FNDC3B: variants seen among roughly 807,000 people sequenced by gnomAD.
The protein encoded by FNDC3B is fibronectin type III domain containing 3B.
In FNDC3B, 12 loss-of-function variants were observed where a neutral mutation model predicts 151.5. The ratio of observed to expected loss-of-function variants is 0.08; its 90% CI spans 0.05 to 0.13. The LOEUF is 0.13. Among genes scored for constraint, FNDC3B ranks in the 10% least tolerant of loss-of-function variants. The probability of loss-of-function intolerance (pLI) is 1.00; values close to 1 mark genes in which losing one functional copy is unlikely to be tolerated. For missense variants in FNDC3B, 1,214 were observed against 1,505.3 expected (o/e 0.81, Z 3.20); for synonymous variants, 528 against 549.0 (o/e 0.96, Z 0.54).
At chr3:172,359,210 C>T (rs1417790973) in intron 22 of FNDC3B, among the ~76,000 whole-genome samples, 3 of 152,050 alleles carry the variant, frequency 2.0e-5, no homozygotes, top group South Asian at 2.1e-4. Flanking sequence ...TATCTTGATA[C>T]TTGTATCTTC....
At chr3:172,239,229 A>G (rs1166952416) in intron 4 of FNDC3B, among the ~76,000 whole-genome samples, 1 of 152,106 alleles carries the variant, frequency 6.6e-6, no homozygotes, top group Non-Finnish European at 1.5e-5. Flanking sequence ...AGAGGTGAGC[A>G]CCAGCCTGCT....
At chr3:172,138,623 G>A (rs533337794) in intron 3 of FNDC3B, among the ~76,000 whole-genome samples, 1 of 152,296 alleles carries the variant, frequency 6.6e-6, no homozygotes, top group Admixed American at 6.5e-5. Flanking sequence ...AAAGAAAATA[G>A]GTGAGTGTGA....
intron 4 of FNDC3B, 98 bp downstream of exon 4, chr3:172,227,045 T>G: frequency 1.2e-6 from 1 of 859,064 alleles, no homozygotes; most frequent in Non-Finnish European, 2.0e-6. Context: ...AGGAGTTAAT[T>G]TGGGTACCGT....
chr3:172,194,176 C>T (rs566992226), intron 3 of FNDC3B, among the ~76,000 whole-genome samples: 1 of 151,990 alleles, frequency 6.6e-6, no homozygotes, highest in Middle Eastern at 3.2e-3. Context: ...GCCGAGATCA[C>T]GCCACTGCAC....
chr3:172,397,865 C>G lies in FNDC3B; in HGVS notation c.*390C>G, dbSNP rs1458011275. ...CAGTCACTTCATATGTCTTGAACAT[C>G]TGTATCTGTAAACATGAATCACCGT... On this transcript the variant is annotated 3_prime_UTR_variant, in exon 26 of 26. Coordinates refer to ENST00000415807, the MANE Select transcript of FNDC3B (RefSeq NM_022763.4). The G allele has an allele frequency of 1.3e-5, 2 of 155,858 alleles. No individual in the cohort carries two copies. Among genetic ancestry groups the G allele is most frequent in the East Asian group, 3.8e-4 (2 of 5,242 alleles). The allele number at this position is 155,858 out of a possible 1,614,324, so 9.7% of individuals were successfully genotyped here.
intron 2 of FNDC3B, chr3:172,127,184 A>G: frequency 2.3e-6 from 1 of 428,120 alleles, no homozygotes; most frequent in Non-Finnish European, 4.7e-6. Flanking sequence ...TTGAAGAAAA[A>G]GAAGTTGGGG....
At chr3:172,289,852 C>T (rs1730231160) in intron 7 of FNDC3B, among the ~76,000 whole-genome samples, 1 of 152,194 alleles carries the variant, frequency 6.6e-6, no homozygotes, top group South Asian at 2.1e-4. Flanking sequence ...TGTTACCTGT[C>T]TTTGTGACCT....
At chr3:172,051,257 A>ATT (rs113492710) in intron 1 of FNDC3B, among the ~76,000 whole-genome samples, 11 of 143,494 alleles carry the variant, frequency 7.7e-5, no homozygotes, top group East Asian at 4.1e-4. Context: ...CTAATTTTGT[A>ATT]TTTTTTTTTT....
At chr3:172,356,544 A>G (rs1462880510) in intron 22 of FNDC3B, among the ~76,000 whole-genome samples, 1 of 152,150 alleles carries the variant, frequency 6.6e-6, no homozygotes, top group Non-Finnish European at 1.5e-5. Flanking sequence ...TTTTGCCTCC[A>G]GAGCAGGGTA....
intron 3 of FNDC3B, among the ~76,000 whole-genome samples, chr3:172,190,327 A>C (rs1243233427): frequency 1.3e-5 from 2 of 152,204 alleles, no homozygotes; most frequent in Admixed American, 1.3e-4. Flanking sequence ...AAAATTATAT[A>C]GTTTGAAATA....
At chr3:172,068,020 C>T (rs140031296) in intron 1 of FNDC3B, among the ~76,000 whole-genome samples, 297 of 152,332 alleles carry the variant, frequency 1.9e-3, no homozygotes, top group African/African-American at 6.6e-3. Context: ...TCCTCCACCT[C>T]AGTCACAGGG....
chr3:172,213,764 G>A (rs1257831078), intron 3 of FNDC3B, among the ~76,000 whole-genome samples: 1 of 152,126 alleles, frequency 6.6e-6, no homozygotes, highest in African/African-American at 2.4e-5. Flanking sequence ...GTTGTTTTGA[G>A]GAGCTAACTT....
At chr3:172,307,234 G>A (rs1223022522) in intron 9 of FNDC3B, 129 bp from the exon 10 acceptor site, 1 of 927,956 alleles carries the variant, frequency 1.1e-6, no homozygotes, top group South Asian at 1.5e-5. Flanking sequence ...ACAGATAAGA[G>A]CAAGAGCATG....
At chr3:172,390,360 A>G (rs968855422) in intron 25 of FNDC3B, among the ~76,000 whole-genome samples, 5 of 152,202 alleles carry the variant, frequency 3.3e-5, no homozygotes, top group African/African-American at 1.2e-4. Context: ...ATTATTTTAC[A>G]ATGCTTTTTG....
In FNDC3B at chr3:172,329,050, G is replaced by C. The variant is rs951948392; in HGVS notation, c.1353G>C (p.Leu451=). ...LCPAMGYTFR[L]AARNDIGTSG... Reference sequence around the variant, plus strand: ...CGGCAATGGGGTACACATTCAGGCTGGCCGCTCGAAACGACATTGGTACCA... The same window carrying C: ...CGGCAATGGGGTACACATTCAGGCTCGCCGCTCGAAACGACATTGGTACCA... Residue 451 remains leucine (L), a synonymous_variant, in exon 12 of 26, where the codon CTG becomes CTC. Transcript: ENST00000415807. The C allele has an allele frequency of 6.2e-7, 1 of 1,613,302 alleles. No homozygotes were observed.
chr3:172,118,629 A>G (rs1720379171), intron 2 of FNDC3B, among the ~76,000 whole-genome samples: 1 of 152,226 alleles, frequency 6.6e-6, no homozygotes. Context: ...ATGGGCTGGG[A>G]CTTGAGCTAG....
rs182552167 is a variant in FNDC3B at position 172,273,647 on chromosome 3, A to G, written c.791-12279A>G. Among the ~76,000 whole-genome samples, 41 of 152,340 alleles carry G rather than the reference A, an allele frequency of 2.7e-4. 1 individual carries two copies. Among genetic ancestry groups the G allele is most frequent in the African/African-American group, 8.7e-4 (36 of 41,576 alleles). ...AAGGTCAAATTAGGAACTTTTGTCT[A>G]CAGATACAAAGACATTAACTTACAC... is the stretch of plus-strand genomic sequence containing the variant. On this transcript the variant is annotated intron_variant, in intron 6 of 25. Transcript: ENST00000415807.
chr3:172,291,021 A>G (rs1262430277), intron 7 of FNDC3B, among the ~76,000 whole-genome samples: 1 of 152,226 alleles, frequency 6.6e-6, no homozygotes, highest in Non-Finnish European at 1.5e-5. Flanking sequence ...ACAATTTAGT[A>G]ACTATGAGAA....
intron 1 of FNDC3B, among the ~76,000 whole-genome samples, chr3:172,110,871 A>G (rs1719925729): frequency 6.6e-6 from 1 of 152,138 alleles, no homozygotes; most frequent in Admixed American, 6.5e-5. Context: ...AGGTAGGTGG[A>G]TCACCTGAGG....
Sources: allele counts gnomAD v4.1 joint callset (sites outside exome capture counted in the v4.1 genomes callset), GRCh38; gene constraint gnomAD v4.1.1; transcripts MANE v1.5; gene names NCBI Gene and HGNC (gene_info 2026-07-23, HGNC 2026-07-21).